SRRM3: variants seen among roughly 807,000 people sequenced by gnomAD.
SRRM3 encodes the protein serine/arginine repetitive matrix protein 3.
SRRM3 carries 27 observed loss-of-function variants against 66.2 expected under a neutral mutation model. That is an observed-to-expected ratio of 0.41 (90% CI 0.30 to 0.56). SRRM3 has a LOEUF of 0.56. SRRM3 is among the 20% of genes least tolerant of loss of function. The pLI, the probability that SRRM3 is intolerant of heterozygous loss-of-function variation, is 0.32. For synonymous variants in SRRM3, 391 were observed against 414.9 expected (o/e 0.94, Z 0.70); for missense variants, 918 against 991.9 (o/e 0.93, Z 1.00).
intron 5 of SRRM3, among the ~76,000 whole-genome samples, chr7:76,260,638 C>T (rs1260538181): frequency 1.3e-5 from 2 of 151,722 alleles, no homozygotes; most frequent in Non-Finnish European, 2.9e-5. Flanking sequence ...CAGAGCCAGA[C>T]TCACTGACCG....
chr7:76,215,766 A>AG (rs1800552627), intron 1 of SRRM3, among the ~76,000 whole-genome samples: 1 of 148,428 alleles, frequency 6.7e-6, no homozygotes, highest in Admixed American at 6.7e-5. Flanking sequence ...GGCTGGAACA[A>AG]CAGGCATGTG....
At chr7:76,251,559 A>G (rs1801583196) in intron 3 of SRRM3, among the ~76,000 whole-genome samples, 1 of 151,930 alleles carries the variant, frequency 6.6e-6, no homozygotes, top group South Asian at 2.1e-4. Context: ...TATTTTCAGT[A>G]GAGACGGGGT....
chr7:76,208,422 A>G (rs1166828308), intron 1 of SRRM3, among the ~76,000 whole-genome samples: 6 of 151,318 alleles, frequency 4.0e-5, no homozygotes, highest in Non-Finnish European at 5.9e-5. Context: ...TAATCCCAGA[A>G]CTTTGGGAGG....
At chr7:76,224,782 C>T (rs1424050793) in intron 1 of SRRM3, among the ~76,000 whole-genome samples, 1 of 152,130 alleles carries the variant, frequency 6.6e-6, no homozygotes, top group African/African-American at 2.4e-5. Context: ...CCGCCCCGAT[C>T]AGCTAGGGAG....
Position 76,235,106 on chromosome 7 carries a change from T to C in SRRM3, c.40T>C (p.Ser14Pro), listed in dbSNP as rs1325751209. 1 of 1,587,306 alleles carries C rather than the reference T, an allele frequency of 6.3e-7. No homozygotes were observed. Among genetic ancestry groups the C allele is most frequent in the Admixed American group, 1.7e-5 (1 of 57,694 alleles). Residue 14 changes from serine to proline, a missense_variant, in exon 2 of 15, where the codon TCC (serine) becomes CCC (proline). Physicochemically the swap from Ser to Pro is moderately conservative, Grantham distance 74. Transcript: ENST00000611745. ...TVNNGAASMQ[S>P]TPDAANGFPQ... ...GAACAACGGGGCGGCCAGCATGCAGTCCACACCCGACGCCGCGAACGGCTT... is the reference window on the plus strand; with the variant it reads ...GAACAACGGGGCGGCCAGCATGCAGCCCACACCCGACGCCGCGAACGGCTT...
At chr7:76,205,305 G>A (rs1183149119) in intron 1 of SRRM3, among the ~76,000 whole-genome samples, 2 of 152,112 alleles carry the variant, frequency 1.3e-5, no homozygotes, top group African/African-American at 4.8e-5. Flanking sequence ...TGCCTCCTGG[G>A]TTCAAATGAT....
intron 11 of SRRM3, among the ~76,000 whole-genome samples, chr7:76,275,190 A>G (rs1266424468): frequency 6.6e-6 from 1 of 152,056 alleles, no homozygotes; most frequent in East Asian, 1.9e-4. Context: ...TTCAGCTTTG[A>G]AAAGAGAAGG....
chr7:76,242,744 C>T (rs1328769425), intron 2 of SRRM3, among the ~76,000 whole-genome samples: 1 of 152,094 alleles, frequency 6.6e-6, no homozygotes, highest in Non-Finnish European at 1.5e-5. Flanking sequence ...TCACAAGGAG[C>T]GTGCAACCTA....
rs1050878698 is a variant in SRRM3, at chr7:76,226,569, T to G, written c.-39-8459T>G. On this transcript the variant is annotated intron_variant, in intron 1 of 14. Coordinates refer to ENST00000611745, the MANE Select transcript of SRRM3 (RefSeq NM_001110199.3). ...GAAGTGGGCTGAAGGTCTGGTGTTA[T>G]TTATTTATTTATTTATTTATTTATT... 3.8e-5 allele frequency among the ~76,000 whole-genome samples: 4 copies of G among 106,380 alleles called. No individual in the cohort carries two copies. The South Asian group carries it at 7.9e-4, about 21-fold the overall frequency. 69.8% of individuals were successfully genotyped at this position (106,380 alleles called of 152,430 possible).
chr7:76,236,162 T>C (rs1390975530), intron 2 of SRRM3, among the ~76,000 whole-genome samples: 9 of 150,926 alleles, frequency 6.0e-5, no homozygotes, highest in Admixed American at 5.9e-4. Flanking sequence ...AATACAAAAT[T>C]AGCCTGGCGT....
intron 9 of SRRM3, 139 bp from the exon 10 acceptor site, chr7:76,265,225 G>T: frequency 1.7e-6 from 1 of 587,434 alleles, no homozygotes; most frequent in Non-Finnish European, 2.9e-6. Context: ...CCTTTTATAG[G>T]AGACTTTAGG....
At chr7:76,256,219 C>A (rs1801707814) in intron 3 of SRRM3, among the ~76,000 whole-genome samples, 1 of 151,914 alleles carries the variant, frequency 6.6e-6, no homozygotes, top group Non-Finnish European at 1.5e-5. Context: ...AAAGAATGGC[C>A]ACTCAGGCAG....
At chr7:76,231,748 G>A (rs993618111) in intron 1 of SRRM3, among the ~76,000 whole-genome samples, 10 of 152,216 alleles carry the variant, frequency 6.6e-5, no homozygotes, top group African/African-American at 1.9e-4. Flanking sequence ...AAAAAGTGTG[G>A]ACAAAAGATG....
intron 1 of SRRM3, among the ~76,000 whole-genome samples, chr7:76,230,391 C>A (rs6954252): frequency 1.3e-5 from 2 of 151,824 alleles, no homozygotes; most frequent in African/African-American, 2.4e-5. Flanking sequence ...GACTCATGCC[C>A]GTAATCCCAA....
At chr7:76,270,742 A>C (rs1554610439) in intron 11 of SRRM3, among the ~76,000 whole-genome samples, 2 of 151,808 alleles carry the variant, frequency 1.3e-5, no homozygotes, top group African/African-American at 4.8e-5. Flanking sequence ...TGAACCTGGG[A>C]GGCAGAGGTT....
intron 2 of SRRM3, among the ~76,000 whole-genome samples, chr7:76,244,134 C>T (rs1429156089): frequency 6.6e-6 from 1 of 152,176 alleles, no homozygotes; most frequent in Non-Finnish European, 1.5e-5. Context: ...CCACCCCTAA[C>T]CAGGCCAGGA....
intron 11 of SRRM3, among the ~76,000 whole-genome samples, chr7:76,271,955 A>C (rs1554610564): frequency 6.6e-6 from 1 of 152,150 alleles, no homozygotes; most frequent in South Asian, 2.1e-4. Flanking sequence ...GGAACCCTAA[A>C]CCCTCACAGT....
intron 1 of SRRM3, among the ~76,000 whole-genome samples, chr7:76,207,679 C>T (rs985411633): frequency 2.0e-5 from 3 of 151,850 alleles, no homozygotes; most frequent in Admixed American, 6.6e-5. Flanking sequence ...GCCTGGGAAA[C>T]AGTGAAACCC....
At chr7:76,274,280 T>C (rs1802285898) in intron 11 of SRRM3, among the ~76,000 whole-genome samples, 1 of 152,250 alleles carries the variant, frequency 6.6e-6, no homozygotes, top group Admixed American at 6.5e-5. Flanking sequence ...CTCAAGTCCT[T>C]CCCTGGCTGC....
Sources: allele counts gnomAD v4.1 joint callset (sites outside exome capture counted in the v4.1 genomes callset), GRCh38; gene constraint gnomAD v4.1.1; transcripts MANE v1.5; gene names NCBI Gene and HGNC (gene_info 2026-07-23, HGNC 2026-07-21).